The following NCAM2 variants were observed in gnomAD, a reference collection of about 807,000 sequenced individuals.
The protein encoded by NCAM2 is N-CAM-2.
NCAM2 carries 30 observed loss-of-function variants against 98.1 expected under a neutral mutation model. The observed-to-expected ratio is 0.31, with a 90% CI of 0.23 to 0.41. NCAM2 has a LOEUF of 0.41. Ranked by LOEUF, NCAM2 falls within the 10% of genes least tolerant of loss-of-function variation. The probability of loss-of-function intolerance (pLI) is 1.00; values close to 1 mark genes in which losing one functional copy is unlikely to be tolerated. For synonymous variants in NCAM2, 368 were observed against 342.4 expected, an observed-to-expected ratio of 1.07 and a Z score of -0.83; for missense variants, 867 against 1,005.8, an observed-to-expected ratio of 0.86 and a Z score of 1.87.
intron 16 of NCAM2, among the ~76,000 whole-genome samples, chr21:21,526,184 TA>T (rs1989313500): frequency 6.6e-6 from 1 of 151,902 alleles, no homozygotes. Flanking sequence ...AAGGAAGAAA[TA>T]AAACTCTCTT....
At chr21:21,167,368 T>A (rs2067985687) in intron 1 of NCAM2, among the ~76,000 whole-genome samples, 1 of 152,022 alleles carries the variant, frequency 6.6e-6, no homozygotes, top group Non-Finnish European at 1.5e-5. Context: ...TGGTTTTAGT[T>A]TGAATAGCAT....
chr21:21,043,744 A>G (rs1026076872), intron 1 of NCAM2, among the ~76,000 whole-genome samples: 8 of 151,142 alleles, frequency 5.3e-5, no homozygotes, highest in Middle Eastern at 3.4e-3. Flanking sequence ...AGTCCCAGCT[A>G]CTCGGTAGGC....
At chr21:21,099,272 GGTGTCA>G (rs2066188945) in intron 1 of NCAM2, among the ~76,000 whole-genome samples, 2 of 151,848 alleles carry the variant, frequency 1.3e-5, no homozygotes, top group Admixed American at 6.6e-5. Context: ...TATTGGTTTT[GGTGTCA>G]CCTGGCTCAG....
chr21:21,026,312 A>G (rs571533734), intron 1 of NCAM2, among the ~76,000 whole-genome samples: 1 of 152,332 alleles, frequency 6.6e-6, no homozygotes, highest in Non-Finnish European at 1.5e-5. Context: ...TACAATGAAA[A>G]ATCTTCCAAG....
At chr21:21,411,264 G>A (rs1433430327) in intron 10 of NCAM2, among the ~76,000 whole-genome samples, 3 of 145,440 alleles carry the variant, frequency 2.1e-5, no homozygotes, top group Non-Finnish European at 4.5e-5. Context: ...AATTGGTAAT[G>A]TAATAGTTAT....
intron 9 of NCAM2, among the ~76,000 whole-genome samples, chr21:21,389,778 C>T (rs1305851692): frequency 1.3e-5 from 2 of 152,142 alleles, no homozygotes; most frequent in Non-Finnish European, 2.9e-5. Context: ...GAATAACATT[C>T]CATTGTGTAC....
intron 15 of NCAM2, among the ~76,000 whole-genome samples, chr21:21,479,744 T>A (rs1231181218): frequency 6.8e-6 from 1 of 147,784 alleles, no homozygotes; most frequent in Non-Finnish European, 1.5e-5. Context: ...ATATATATAT[T>A]TTTCAATTTG....
intron 8 of NCAM2, among the ~76,000 whole-genome samples, chr21:21,356,294 T>TA (rs1327372439): frequency 6.6e-6 from 1 of 152,154 alleles, no homozygotes; most frequent in Admixed American, 6.5e-5. Context: ...ATTATATACT[T>TA]ACAAATATTT....
intron 10 of NCAM2, among the ~76,000 whole-genome samples, chr21:21,417,741 T>C (rs1414353758): frequency 6.6e-6 from 1 of 152,094 alleles, no homozygotes; most frequent in African/African-American, 2.4e-5. Context: ...AGAGGTCAGC[T>C]ATTTTCTACC....
At chr21:21,066,326 T>C (rs2065436260) in intron 1 of NCAM2, among the ~76,000 whole-genome samples, 1 of 152,186 alleles carries the variant, frequency 6.6e-6, no homozygotes, top group African/African-American at 2.4e-5. Context: ...TTAATTTTTG[T>C]ATATTAGCAC....
At chr21:21,121,617 C>A (rs1161616646) in intron 1 of NCAM2, among the ~76,000 whole-genome samples, 1 of 152,118 alleles carries the variant, frequency 6.6e-6, no homozygotes, top group Non-Finnish European at 1.5e-5. Flanking sequence ...ATTCATGATC[C>A]TTCTTTGAGG....
chr21:21,019,923 G>C (rs2064394731), intron 1 of NCAM2, among the ~76,000 whole-genome samples: 1 of 152,156 alleles, frequency 6.6e-6, no homozygotes, highest in Admixed American at 6.5e-5. Flanking sequence ...GGGCTTCATA[G>C]ATGAGTCAGA....
In NCAM2 at chr21:21,067,388, A is replaced by G. The variant is rs150776346; in HGVS notation, c.55+68770A>G. ...AATGAATATTACAAGTATAAATTTT[A>G]CAATATGCTACTGACATATATAGAC... is the stretch of plus-strand genomic sequence containing the variant. On this transcript the variant is annotated intron_variant, in intron 1 of 17. Coordinates refer to ENST00000400546, the MANE Select transcript of NCAM2 (RefSeq NM_004540.5). Among the ~76,000 whole-genome samples, 4 of 152,278 alleles carry G rather than the reference A, an allele frequency of 2.6e-5. No homozygotes were observed. In the East Asian group the frequency reaches 5.8e-4, roughly 22 times the overall value.
rs898399 is a variant in NCAM2, at chr21:21,477,193, A to G, written c.1897-98A>G. On this transcript the variant is annotated intron_variant, in intron 14 of 17. Coordinates refer to ENST00000400546, the MANE Select transcript of NCAM2 (RefSeq NM_004540.5). ...GCCTATGAAAATTGTTCCAATATCC[A>G]ATATAAGTATATTGTTCCAATTCCA... 9.2e-5 allele frequency: 82 copies of G among 888,724 alleles called. No individual in the cohort carries two copies. In the African/African-American group the frequency reaches 1.2e-3, roughly 13 times the overall value. The allele number at this position is 888,724 out of a possible 1,614,324, so 55.1% of individuals were successfully genotyped here.
At chr21:21,262,963 C>T (rs1380264484) in intron 1 of NCAM2, among the ~76,000 whole-genome samples, 1 of 152,002 alleles carries the variant, frequency 6.6e-6, no homozygotes, top group African/African-American at 2.4e-5. Context: ...AAAGACCTGC[C>T]CCCATGATTC....
intron 11 of NCAM2, 124 bp from the exon 12 acceptor site, chr21:21,431,984 C>A: frequency 1.4e-6 from 1 of 737,680 alleles, no homozygotes; most frequent in South Asian, 3.5e-5. Context: ...TTCTGTAACT[C>A]GAACATATTA....
At chr21:21,332,426 A>G (rs2147845642) in intron 6 of NCAM2, among the ~76,000 whole-genome samples, 1 of 152,264 alleles carries the variant, frequency 6.6e-6, no homozygotes, top group Admixed American at 6.5e-5. Flanking sequence ...TTCTAAGGAC[A>G]TGACTTAAGT....
chr21:21,410,558 T>C (rs1602254456), intron 10 of NCAM2, 97 bp downstream of exon 10: 1 of 600,488 alleles, frequency 1.7e-6, no homozygotes, highest in East Asian at 3.6e-5. Context: ...TATATATATA[T>C]AATAAGAGAG....
intron 1 of NCAM2, among the ~76,000 whole-genome samples, chr21:21,245,339 GTTCATATGTGAGTGAT>G (rs1364467439): frequency 4.6e-5 from 7 of 152,226 alleles, no homozygotes; most frequent in African/African-American, 1.7e-4. Context: ...CACATTCTAT[GTTCATATGTGAGTGAT>G]TGCATATGTG....
Sources: allele counts gnomAD v4.1 joint callset (sites outside exome capture counted in the v4.1 genomes callset), GRCh38; gene constraint gnomAD v4.1.1; transcripts MANE v1.5; gene names NCBI Gene and HGNC (gene_info 2026-07-23, HGNC 2026-07-21).